Variants in VTI1A observed in about 807,000 individuals in gnomAD.
VTI1A encodes vesicle transport through interaction with t-SNAREs 1A, also known as vesicle transport through interaction with t-SNAREs homolog 1A.
In VTI1A, 22 loss-of-function variants were observed where a neutral mutation model predicts 34.9. The observed-to-expected ratio is 0.63, with a 90% CI of 0.45 to 0.90. The LOEUF (loss-of-function observed/expected upper bound fraction) is 0.90. Among genes scored for constraint, VTI1A ranks in the 40% least tolerant of loss-of-function variants. The pLI, the probability that VTI1A is intolerant of heterozygous loss-of-function variation, is 0.00. For missense variants in VTI1A, 268 were observed against 275.6 expected, an observed-to-expected ratio of 0.97 and a Z score of 0.20; for synonymous variants, 87 against 97.3, an observed-to-expected ratio of 0.89 and a Z score of 0.62.
At chr10:112,842,049 T>TC in the VTI1A span, among the ~76,000 whole-genome samples, 1 of 122,838 alleles carries the variant, frequency 8.1e-6, no homozygotes, top group East Asian at 2.0e-4. Flanking sequence ...TTTTTTTTTT[T>TC]CCTTTTTTTT....
At chr10:112,728,279 T>C (rs1347264609) in intron 7 of VTI1A, among the ~76,000 whole-genome samples, 1 of 152,010 alleles carries the variant, frequency 6.6e-6, no homozygotes, top group Admixed American at 6.6e-5. Context: ...GCTGGTGAAA[T>C]CAGTAGTAGA....
chr10:112,818,929 G>A (rs1002137492), downstream of VTI1A, among the ~76,000 whole-genome samples: 3 of 151,916 alleles, frequency 2.0e-5, no homozygotes, highest in Admixed American at 6.6e-5. Context: ...TTCATGTAGC[G>A]TCTTCCACAG....
At chr10:112,481,239 CTA>C (rs1437728822) in intron 3 of VTI1A, among the ~76,000 whole-genome samples, 1 of 152,076 alleles carries the variant, frequency 6.6e-6, no homozygotes, top group East Asian at 1.9e-4. Flanking sequence ...CTGTATCAAA[CTA>C]TTTTAAAAGT....
At chr10:112,828,761 C>G in the VTI1A span, among the ~76,000 whole-genome samples, 1 of 151,360 alleles carries the variant, frequency 6.6e-6, no homozygotes, top group Non-Finnish European at 1.5e-5. Flanking sequence ...CCTGTAATCC[C>G]AGCACTTTGG....
chr10:112,573,558 G>A (rs1220006906), intron 5 of VTI1A, among the ~76,000 whole-genome samples: 1 of 152,190 alleles, frequency 6.6e-6, no homozygotes, highest in Non-Finnish European at 1.5e-5. Context: ...TTACCTGGGA[G>A]GCAGTGTAAT....
intron 7 of VTI1A, among the ~76,000 whole-genome samples, chr10:112,686,320 T>G (rs1848410691): frequency 6.6e-6 from 1 of 152,180 alleles, no homozygotes; most frequent in Non-Finnish European, 1.5e-5. Context: ...TGGTGTAAAT[T>G]TTCATCATCT....
intron 3 of VTI1A, among the ~76,000 whole-genome samples, chr10:112,520,684 A>G (rs769267346): frequency 3.4e-5 from 5 of 149,202 alleles, no homozygotes; most frequent in African/African-American, 1.2e-4. Flanking sequence ...AAACCTCATG[A>G]TATGCATATA....
chr10:112,741,024 T>A (rs914252208), intron 7 of VTI1A, among the ~76,000 whole-genome samples: 7 of 152,210 alleles, frequency 4.6e-5, no homozygotes, highest in African/African-American at 1.7e-4. Context: ...CCTGAAAACA[T>A]GCTCAGTAAA....
chr10:112,627,759 A>G lies in VTI1A; in HGVS notation c.428-40459A>G, dbSNP rs541777352. On this transcript the variant is annotated intron_variant, in intron 5 of 7. Coordinates refer to ENST00000393077, the MANE Select transcript of VTI1A (RefSeq NM_145206.4). ...GGTGCTGAGATAACAACAGTGACCA[A>G]ACTGATGAGATCCCTGTTCTCATTA... Among the ~76,000 whole-genome samples the G allele has an allele frequency of 9.8e-5, 15 of 152,340 alleles. No homozygotes were observed. In the East Asian group the frequency reaches 2.9e-3, roughly 29 times the overall value.
intron 7 of VTI1A, among the ~76,000 whole-genome samples, chr10:112,697,546 A>G (rs12763747): frequency 0.22 from 33,501 of 151,294 alleles, 3,938 homozygotes; most frequent in African/African-American, 0.3. Context: ...ACAGGCATGC[A>G]CCATCATGCC....
At chr10:112,536,965 G>A (rs1267747118) in intron 4 of VTI1A, among the ~76,000 whole-genome samples, 1 of 152,020 alleles carries the variant, frequency 6.6e-6, no homozygotes, top group East Asian at 1.9e-4. Flanking sequence ...TGGAGGCACT[G>A]GTCTAGGTGT....
chr10:112,830,201 G>T, the VTI1A span, among the ~76,000 whole-genome samples: 1 of 152,062 alleles, frequency 6.6e-6, no homozygotes, highest in Non-Finnish European at 1.5e-5. Flanking sequence ...GAGCCTTCTG[G>T]TTCAAAAGCC....
chr10:112,645,626 A>G (rs1251370189), intron 5 of VTI1A, among the ~76,000 whole-genome samples: 2 of 152,188 alleles, frequency 1.3e-5, no homozygotes, highest in East Asian at 3.9e-4. Context: ...GCTCTGCTTG[A>G]TATGCCATTT....
intron 5 of VTI1A, among the ~76,000 whole-genome samples, chr10:112,634,634 C>A (rs1366858677): frequency 6.6e-6 from 1 of 151,976 alleles, no homozygotes; most frequent in Non-Finnish European, 1.5e-5. Flanking sequence ...ATTTATGTCC[C>A]TGTGACAAGG....
intron 1 of VTI1A, among the ~76,000 whole-genome samples, chr10:112,455,791 A>G (rs1018719784): frequency 6.6e-6 from 1 of 151,842 alleles, no homozygotes; most frequent in Non-Finnish European, 1.5e-5. Flanking sequence ...TTCCATCATT[A>G]TTTCTGACAG....
chr10:112,754,662 A>T (rs1002726247), intron 7 of VTI1A, among the ~76,000 whole-genome samples: 2 of 152,220 alleles, frequency 1.3e-5, no homozygotes, highest in South Asian at 4.1e-4. Context: ...GAGGCTTTCA[A>T]ACCTCATTCT....
chr10:112,754,104 A>G (rs189171020), intron 7 of VTI1A, among the ~76,000 whole-genome samples: 509 of 152,344 alleles, frequency 3.3e-3, no homozygotes, highest in Non-Finnish European at 5.2e-3. Context: ...AAAAACAAGA[A>G]AACTTTGGGA....
chr10:112,737,052 A>G (rs886497829), intron 7 of VTI1A: 2 of 430,432 alleles, frequency 4.6e-6, no homozygotes, highest in African/African-American at 4.0e-5. Flanking sequence ...CATAGTGGAC[A>G]ATTTTTTTTC....
intron 7 of VTI1A, among the ~76,000 whole-genome samples, chr10:112,735,532 G>C (rs532586355): frequency 7.2e-5 from 11 of 152,350 alleles, no homozygotes; most frequent in Admixed American, 2.6e-4. Context: ...CTGAGGCATT[G>C]TTTACAGCTG....
Sources: gnomAD v4.1 joint callset for allele counts (sites outside exome capture counted in the v4.1 genomes callset) on GRCh38, gnomAD v4.1.1 for gene constraint, MANE v1.5 for transcripts, NCBI Gene and HGNC (gene_info 2026-07-23, HGNC 2026-07-21) for gene names.